Variants in DENND1B observed in about 807,000 individuals in gnomAD.
DENND1B encodes the protein DENN domain containing 1B, also known as DENN domain-containing protein 1B.
DENND1B carries 59 observed loss-of-function variants against 90.1 expected under a neutral mutation model. The observed-to-expected ratio is 0.65, with a 90% CI of 0.53 to 0.81. DENND1B has a LOEUF of 0.81. Among genes scored for constraint, DENND1B ranks in the 40% least tolerant of loss-of-function variants. The pLI is 0.00. For missense variants in DENND1B, 862 were observed against 912.6 expected (o/e 0.94, Z 0.71); for synonymous variants, 337 against 324.6 (o/e 1.04, Z -0.41).
At chr1:197,553,227 ACT>A (rs1330109986) in intron 15 of DENND1B, 115 bp from the exon 16 acceptor site, 6 of 782,658 alleles carry the variant, frequency 7.7e-6, no homozygotes, top group African/African-American at 1.8e-5. Flanking sequence ...TTAATAACAG[ACT>A]CTTGTATAAA....
chr1:197,705,269 C>A (rs1020329584), intron 3 of DENND1B, among the ~76,000 whole-genome samples: 3 of 152,050 alleles, frequency 2.0e-5, no homozygotes, highest in African/African-American at 7.2e-5. Flanking sequence ...ATTCAAGGCC[C>A]TTGACTAGAT....
intron 15 of DENND1B, among the ~76,000 whole-genome samples, chr1:197,567,475 C>T (rs1213059659): frequency 6.6e-6 from 1 of 152,030 alleles, no homozygotes; most frequent in Non-Finnish European, 1.5e-5. Flanking sequence ...GAGAATATTT[C>T]CAAAGTTATT....
At chr1:197,724,010 T>C (rs975256900) in intron 2 of DENND1B, among the ~76,000 whole-genome samples, 1 of 152,134 alleles carries the variant, frequency 6.6e-6, no homozygotes, top group African/African-American at 2.4e-5. Flanking sequence ...TTTAAAATCA[T>C]GTTCATATTA....
intron 2 of DENND1B, among the ~76,000 whole-genome samples, chr1:197,770,486 T>C (rs894963692): frequency 1.3e-5 from 2 of 151,760 alleles, no homozygotes; most frequent in African/African-American, 2.4e-5. Context: ...CTCTGACACA[T>C]GCATAGATTG....
At chr1:197,581,288 T>C in intron 15 of DENND1B, among the ~76,000 whole-genome samples, 1 of 152,194 alleles carries the variant, frequency 6.6e-6, no homozygotes, top group East Asian at 1.9e-4. Context: ...CATGAGCATA[T>C]CAAGTTCTAG....
chr1:197,514,685 T>A (rs77713433), intron 20 of DENND1B, among the ~76,000 whole-genome samples: 2,533 of 151,686 alleles, frequency 0.017, 38 homozygotes, highest in Middle Eastern at 0.037. Flanking sequence ...AGCTTCTCCT[T>A]CCTTCTGCAT....
intron 10 of DENND1B, among the ~76,000 whole-genome samples, chr1:197,629,210 A>C (rs993101575): frequency 1.3e-5 from 2 of 152,074 alleles, no homozygotes; most frequent in African/African-American, 4.8e-5. Flanking sequence ...TCATGCTGCT[A>C]TAAAGACACA....
At chr1:197,735,784 G>A (rs1662613294) in intron 2 of DENND1B, 5 of 1,611,336 alleles carry the variant, frequency 3.1e-6, no homozygotes, top group Admixed American at 1.7e-5. Context: ...CGGCAGATAA[G>A]CTGGACTGTC....
At chr1:197,633,107 A>T (rs1679477234) in intron 10 of DENND1B, among the ~76,000 whole-genome samples, 1 of 152,240 alleles carries the variant, frequency 6.6e-6, no homozygotes, top group Non-Finnish European at 1.5e-5. Context: ...TGGAATGGGT[A>T]ATAAAAGGAA....
intron 10 of DENND1B, among the ~76,000 whole-genome samples, chr1:197,640,222 C>A (rs1327284753): frequency 2.6e-5 from 4 of 152,060 alleles, no homozygotes; most frequent in Non-Finnish European, 5.9e-5. Flanking sequence ...CCTGTAATCC[C>A]AGCACTTTGG....
intron 15 of DENND1B, among the ~76,000 whole-genome samples, chr1:197,555,688 T>C (rs1286262781): frequency 6.6e-6 from 1 of 152,038 alleles, no homozygotes; most frequent in African/African-American, 2.4e-5. Context: ...TGACTATTAT[T>C]AAAAAGTCAA....
chr1:197,766,707 T>G (rs1558498356), intron 2 of DENND1B, among the ~76,000 whole-genome samples: 1 of 152,194 alleles, frequency 6.6e-6, no homozygotes, highest in South Asian at 2.1e-4. Context: ...TTTAAAATCA[T>G]TTCTACAAGC....
intron 13 of DENND1B, among the ~76,000 whole-genome samples, chr1:197,603,876 T>G (rs1430447825): frequency 2.0e-5 from 3 of 151,324 alleles, no homozygotes; most frequent in African/African-American, 4.8e-5. Context: ...TTTCATAAAT[T>G]AAAATCAAGT....
intron 9 of DENND1B, among the ~76,000 whole-genome samples, chr1:197,644,740 G>A (rs1271073068): frequency 6.6e-6 from 1 of 152,030 alleles, no homozygotes; most frequent in Admixed American, 6.6e-5. Flanking sequence ...GTCTTGGTTT[G>A]GTATCAGAAA....
intron 2 of DENND1B, among the ~76,000 whole-genome samples, chr1:197,765,063 G>A (rs1285970877): frequency 6.6e-6 from 1 of 152,154 alleles, no homozygotes; most frequent in Non-Finnish European, 1.5e-5. Flanking sequence ...CTCAAGTTCT[G>A]TTATTCTACT....
chr1:197,577,041 G>C (rs919832286), intron 15 of DENND1B, among the ~76,000 whole-genome samples: 9 of 152,096 alleles, frequency 5.9e-5, no homozygotes, highest in African/African-American at 1.9e-4. Flanking sequence ...AATTCAATCA[G>C]ACTGCATGAA....
rs1675589853 is a variant in DENND1B at position 197,595,342 on chromosome 1, C to T, written c.922-9G>A. ...TTTTTCAAGGCCGAGACCTGCATGA[C>T]AGAGAGGAACAGTTAAATTAACACC... On this transcript the variant is annotated splice_polypyrimidine_tract_variant and intron_variant, in intron 13 of 22. Coordinates refer to ENST00000620048, the MANE Select transcript of DENND1B (RefSeq NM_001195215.2). 2 of 1,609,574 alleles carry T rather than the reference C, an allele frequency of 1.2e-6. No homozygotes were observed. The highest frequency in any genetic ancestry group is 4.5e-5 in the East Asian group (2 of 44,776).
intron 2 of DENND1B, among the ~76,000 whole-genome samples, chr1:197,749,721 T>A (rs1653190571): frequency 6.8e-6 from 1 of 147,392 alleles, no homozygotes; most frequent in Admixed American, 6.7e-5. Context: ...GTACATAAGA[T>A]TTTTTTTTTC....
At chr1:197,637,850 C>T (rs945878698) in intron 10 of DENND1B, among the ~76,000 whole-genome samples, 2 of 152,132 alleles carry the variant, frequency 1.3e-5, no homozygotes, top group African/African-American at 4.8e-5. Flanking sequence ...CACAAAAATA[C>T]ACTTTAATAA....
Sources: gnomAD v4.1 joint callset for allele counts (sites outside exome capture counted in the v4.1 genomes callset) on GRCh38, gnomAD v4.1.1 for gene constraint, MANE v1.5 for transcripts, NCBI Gene and HGNC (gene_info 2026-07-23, HGNC 2026-07-21) for gene names.